DHH: variants seen among roughly 807,000 people sequenced by gnomAD.
DHH encodes desert hedgehog protein.
A neutral mutation model predicts 27.6 loss-of-function variants in DHH; 16 were observed. The observed-to-expected ratio is 0.58, with a 90% CI of 0.39 to 0.88. The LOEUF is 0.88. DHH is among the 40% of genes least tolerant of loss of function. DHH has a pLI of 0.00. For missense variants in DHH, 436 were observed against 563.1 expected, an observed-to-expected ratio of 0.77 and a Z score of 2.28; for synonymous variants, 289 against 263.4, an observed-to-expected ratio of 1.10 and a Z score of -0.94.
rs535887088 is a variant in DHH at position 49,089,482 on chromosome 12, T to G, written c.*377A>C. 1.1e-5 allele frequency: 2 copies of G among 179,182 alleles called. No individual in the cohort carries two copies. The highest frequency in any genetic ancestry group is 4.7e-5 in the African/African-American group (2 of 42,672). 11.1% of individuals were successfully genotyped at this position (179,182 alleles called of 1,614,324 possible). A position where few individuals can be genotyped will look rare whatever the true frequency, so the allele number is the denominator to read the frequency against. ...GCCCACCTTGCAGGAAAACGTCAGATGTCAGACTGGCTGGCTGTGTCAGAC... is the reference window on the plus strand; with the variant it reads ...GCCCACCTTGCAGGAAAACGTCAGAGGTCAGACTGGCTGGCTGTGTCAGAC... On this transcript the variant is annotated 3_prime_UTR_variant, in exon 3 of 3. Transcript: ENST00000649637.
In DHH at chr12:49,089,806, G is replaced by A; in HGVS notation, c.*53C>T. ...CTGCTGCCCACAGCCCCATATCTCA[G>A]CCAGCAGGCCCTCGTTTCCTCGGGC... On this transcript the variant is annotated 3_prime_UTR_variant, in exon 3 of 3. Coordinates refer to ENST00000649637, the MANE Select transcript of DHH (RefSeq NM_021044.4). 6.8e-7 allele frequency: 1 copy of A among 1,470,102 alleles called. No individual in the cohort carries two copies. 91.1% of individuals were successfully genotyped at this position (1,470,102 alleles called of 1,614,324 possible). A position where few individuals can be genotyped will look rare whatever the true frequency, so the allele number is the denominator to read the frequency against.
At position 49,094,371 on chromosome 12, in the gene DHH, A is replaced by G; in HGVS notation, c.142T>C (p.Phe48Leu). 6.2e-7 allele frequency: 1 copy of G among 1,612,912 alleles called. No individual in the cohort carries two copies. The highest frequency in any genetic ancestry group is 8.5e-7 in the Non-Finnish European group (1 of 1,179,870). ...KQLVPLLYKQ[F>L]VPGVPERTLG... ...GTCCGCTCTGGCACGCCGGGCACAA[A>G]TTGCTTGTAGAGTAGCGGCACGAGC... The change falls in exon 1 of 3, where the codon TTT (phenylalanine) becomes CTT (leucine). Residue 48 changes from phenylalanine to leucine, a missense_variant. Transcript: ENST00000649637.
chr12:49,089,997 C>A lies in DHH; in HGVS notation c.1053G>T (p.Gln351His). Residue 351 changes from glutamine to histidine, a missense_variant, in exon 3 of 3, where the codon CAG becomes CAT. Gln to His is a conservative substitution (Grantham distance 24). Coordinates refer to ENST00000649637, the MANE Select transcript of DHH (RefSeq NM_021044.4). ...ASCYAVLESH[Q>H]WAHRAFAPLR... ...AGGGGGCAAAAGCGCGGTGCGCCCACTGGTGACTCTCCAGAACCGCGTAGC... is the reference window on the plus strand; with the variant it reads ...AGGGGGCAAAAGCGCGGTGCGCCCAATGGTGACTCTCCAGAACCGCGTAGC... 2 of 1,565,150 alleles carry A rather than the reference C, an allele frequency of 1.3e-6. No homozygotes were observed. Among genetic ancestry groups the A allele is most frequent in the Non-Finnish European group, 1.7e-6 (2 of 1,156,176 alleles).
rs11168852 is a variant in DHH, at chr12:49,087,917, C to T, written c.*1942G>A. ...CAGCTTGGGATGTGTTTCTGAGACC[C>T]GGAAAAACAAAGGTGGCAACAGAGC... On this transcript the variant is annotated 3_prime_UTR_variant, in exon 3 of 3. Transcript: ENST00000649637. Among the ~76,000 whole-genome samples, 43 of 152,180 alleles carry T rather than the reference C, an allele frequency of 2.8e-4. No individual in the cohort carries two copies. The East Asian group carries it at 7.7e-3, about 27-fold the overall frequency.
At position 49,094,190 on chromosome 12, in the gene DHH, T is replaced by A. The variant is rs1487644538; in HGVS notation, c.303+20A>T. The A allele has an allele frequency of 1.2e-6, 2 of 1,612,738 alleles. No homozygotes were observed. On this transcript the variant is annotated intron_variant, in intron 1 of 2. Coordinates refer to ENST00000649637, the MANE Select transcript of DHH (RefSeq NM_021044.4). ...GGAGCTGGCAGTGCCCCGGCGCAGG[T>A]AGGGAGAGGCCCTCCTTACCTCGGT...
rs1245440840 is a variant in DHH, at chr12:49,094,118, G to T, written c.303+92C>A. 12 of 1,413,662 alleles carry T rather than the reference G, an allele frequency of 8.5e-6. No homozygotes were observed. In the African/African-American group the frequency reaches 1.6e-4, roughly 18 times the overall value. The allele number at this position is 1,413,662 out of a possible 1,614,324, so 87.6% of individuals were successfully genotyped here. A position where few individuals can be genotyped will look rare whatever the true frequency, so the allele number is the denominator to read the frequency against. On this transcript the variant is annotated intron_variant, in intron 1 of 2. Transcript: ENST00000649637. ...GGAAATCTCTAAGGCTAAACTCTCT[G>T]TAGGTGAAGCTGGACTCACCCACCT...
intron 1 of DHH, 133 bp downstream of exon 1, chr12:49,094,075 CCT>C: frequency 9.7e-7 from 1 of 1,029,356 alleles, no homozygotes; most frequent in African/African-American, 1.6e-5. Flanking sequence ...TTTTCCCCCC[CCT>C]GGGGCTGGTG....
In DHH at chr12:49,091,495, C is replaced by T; in HGVS notation, c.304-106G>A. On this transcript the variant is annotated intron_variant, in intron 1 of 2. Coordinates refer to ENST00000649637, the MANE Select transcript of DHH (RefSeq NM_021044.4). The surrounding 1 kb of genome is among the most constrained non-coding windows in gnomAD (Gnocchi z 4.8). ...TTATTCCGGCCCTACTCTTACCCCT[C>T]CCAGCTTTTGAGTGTCCTGGAGAAA... The T allele has an allele frequency of 6.7e-7, 1 of 1,490,974 alleles. No homozygotes were observed. The highest frequency in any genetic ancestry group is 9.1e-7 in the Non-Finnish European group (1 of 1,103,562). The allele number at this position is 1,490,974 out of a possible 1,614,324, so 92.4% of individuals were successfully genotyped here. A position where few individuals can be genotyped will look rare whatever the true frequency, so the allele number is the denominator to read the frequency against.
rs189970312 is a variant in DHH at position 49,089,749 on chromosome 12, C to G, written c.*110G>C. The stretch of plus-strand genomic sequence containing the variant: ...GGCATAGCCCCATTTTCTCCCTCCC[C>G]CTCCCTCTCCCTCCCTTCCAGTCGG... On this transcript the variant is annotated 3_prime_UTR_variant, in exon 3 of 3. Coordinates refer to ENST00000649637, the MANE Select transcript of DHH (RefSeq NM_021044.4). The G allele has an allele frequency of 2.5e-4, 343 of 1,379,132 alleles. 4 individuals are homozygous for G. The Admixed American group carries it at 9.7e-3, about 39-fold the overall frequency. 85.4% of individuals were successfully genotyped at this position (1,379,132 alleles called of 1,614,324 possible).
At position 49,091,650 on chromosome 12, in the gene DHH, G is replaced by A. The variant is rs537153694; in HGVS notation, c.304-261C>T. On this transcript the variant is annotated intron_variant, in intron 1 of 2. Coordinates refer to ENST00000649637, the MANE Select transcript of DHH (RefSeq NM_021044.4). The surrounding 1 kb of genome is among the most constrained non-coding windows in gnomAD (Gnocchi z 4.8). ...AGCTCCTTCCCCATTTTTAATGCCC[G>A]TCCCTCACCCCTATTGGTTCAGGGA... is the stretch of plus-strand genomic sequence containing the variant. 4.6e-5 allele frequency among the ~76,000 whole-genome samples: 7 copies of A among 152,192 alleles called. 1 individual carries two copies. Among genetic ancestry groups the A allele is most frequent in the South Asian group, 2.1e-4 (1 of 4,828 alleles).
Position 49,088,992 on chromosome 12 carries a change from T to C in DHH, c.*867A>G, listed in dbSNP as rs1312290529. ...TGGATCATCAGTTGGCCCAGTGGCA[T>C]ATCAGAAAAAACATCCACCCCATCC... On this transcript the variant is annotated 3_prime_UTR_variant, in exon 3 of 3. Coordinates refer to ENST00000649637, the MANE Select transcript of DHH (RefSeq NM_021044.4). Among the ~76,000 whole-genome samples the C allele has an allele frequency of 6.6e-6, 1 of 152,226 alleles. No individual in the cohort carries two copies. The highest frequency in any genetic ancestry group is 1.5e-5 in the Non-Finnish European group (1 of 68,038).
chr12:49,093,726 G>T (rs1175457520), intron 1 of DHH, among the ~76,000 whole-genome samples: 1 of 152,164 alleles, frequency 6.6e-6, no homozygotes, highest in Non-Finnish European at 1.5e-5. Flanking sequence ...CAGGTAGATG[G>T]TCTGGTGACC....
chr12:49,093,899 C>T (rs965998881), intron 1 of DHH, among the ~76,000 whole-genome samples: 1 of 152,218 alleles, frequency 6.6e-6, no homozygotes, highest in Non-Finnish European at 1.5e-5. Flanking sequence ...GGCTGACCCC[C>T]GGTCCACGCC....
chr12:49,088,593 G>A lies in DHH; in HGVS notation c.*1266C>T, dbSNP rs565920344. On this transcript the variant is annotated 3_prime_UTR_variant, in exon 3 of 3. Coordinates refer to ENST00000649637, the MANE Select transcript of DHH (RefSeq NM_021044.4). ...TTCTGGAGCAGCCCAGCTTCCTCCA[G>A]AGCTTCCATTCCTAACTCAGGGGCA... Among the ~76,000 whole-genome samples the A allele has an allele frequency of 4.9e-4, 75 of 152,274 alleles. 1 individual carries two copies. The Middle Eastern group carries it at 0.014, about 28-fold the overall frequency.
chr12:49,094,699 G>T lies in DHH; in HGVS notation c.-187C>A, dbSNP rs1426182107. 2.7e-6 allele frequency: 2 copies of T among 730,490 alleles called. No homozygotes were observed. The highest frequency in any genetic ancestry group is 2.2e-5 in the Admixed American group (1 of 45,644). 45.3% of individuals were successfully genotyped at this position (730,490 alleles called of 1,614,324 possible). ...CCACGTGCCCCGGGAGCGGGCGGGGGGTGTCTAGGACCTGCTACTGACAAA... is the reference window on the plus strand; with the variant it reads ...CCACGTGCCCCGGGAGCGGGCGGGGTGTGTCTAGGACCTGCTACTGACAAA... On this transcript the variant is annotated 5_prime_UTR_variant, in exon 1 of 3. Coordinates refer to ENST00000649637, the MANE Select transcript of DHH (RefSeq NM_021044.4).
In DHH at chr12:49,088,905, C is replaced by A. The variant is rs192389847; in HGVS notation, c.*954G>T. ...GGAAATATTCCAGCCTCTTACTGTG[C>A]CCCCCTTCCTTTTTCAGGCCATGAC... is the stretch of plus-strand genomic sequence containing the variant. On this transcript the variant is annotated 3_prime_UTR_variant, in exon 3 of 3. Transcript: ENST00000649637. Among the ~76,000 whole-genome samples the A allele has an allele frequency of 5.4e-4, 83 of 152,302 alleles. 1 individual carries two copies. The highest frequency in any genetic ancestry group is 6.2e-4 in the South Asian group (3 of 4,804).
chr12:49,091,326 G>A lies in DHH; in HGVS notation c.367C>T (p.Leu123=), dbSNP rs760627027. The A allele has an allele frequency of 4.8e-5, 78 of 1,614,226 alleles. 1 individual carries two copies. The highest frequency in any genetic ancestry group is 6.0e-5 in the Non-Finnish European group (71 of 1,180,054). ...TCGTCCCAGCCCTCAGTCACTCGTA[G>A]GCGCACTCCGGGCCACATGTTCATC... The part of the protein sequence containing the change: ...AVMNMWPGVR[L]RVTEGWDEDG... Residue 123 remains leucine (L), a synonymous_variant, in exon 2 of 3, where the codon CTA becomes TTA. Coordinates refer to ENST00000649637, the MANE Select transcript of DHH (RefSeq NM_021044.4). The surrounding 1 kb of genome is among the most constrained non-coding windows in gnomAD (Gnocchi z 4.8).
chr12:49,093,927 C>T (rs35260022), intron 1 of DHH, among the ~76,000 whole-genome samples: 1 of 152,212 alleles, frequency 6.6e-6, no homozygotes, highest in Non-Finnish European at 1.5e-5. Flanking sequence ...TTTCCCGTCT[C>T]GCCTGCCGCC....
Position 49,094,439 on chromosome 12 carries a change from G to A in DHH, c.74C>T (p.Pro25Leu). 6.2e-7 allele frequency: 1 copy of A among 1,602,484 alleles called. No individual in the cohort carries two copies. Among genetic ancestry groups the A allele is most frequent in the Non-Finnish European group, 8.5e-7 (1 of 1,175,026 alleles). Residue 25 changes from proline to leucine, a missense_variant, in exon 1 of 3, where the codon CCG becomes CTG. Transcript: ENST00000649637. ...GCGCCGGCCAACCGGCCCCCGGCCC[G>A]GCCCGCAGCTCTGGGCTGGCAGCGC... is the stretch of plus-strand genomic sequence containing the variant. ...LLALPAQSCG[P>L]GRGPVGRRRY...
Sources: gnomAD v4.1 joint callset for allele counts (sites outside exome capture counted in the v4.1 genomes callset) on GRCh38, gnomAD v4.1.1 for gene constraint, Gnocchi (gnomAD v3.1) non-coding constraint, MANE v1.5 for transcripts, NCBI Gene and HGNC (gene_info 2026-07-23, HGNC 2026-07-21) for gene names.